IRF2: variants seen among roughly 807,000 people sequenced by gnomAD.
The protein encoded by IRF2 is interferon regulatory factor 2.
In IRF2, 15 loss-of-function variants were observed where a neutral mutation model predicts 40.6. The observed-to-expected ratio is 0.37, with a 90% CI of 0.25 to 0.57. The LOEUF (loss-of-function observed/expected upper bound fraction) is 0.57. Ranked by LOEUF, IRF2 falls within the 20% of genes least tolerant of loss-of-function variation. The pLI is 0.77. For synonymous variants in IRF2, 151 were observed against 165.5 expected, an observed-to-expected ratio of 0.91 and a Z score of 0.67; for missense variants, 317 against 455.7, an observed-to-expected ratio of 0.70 and a Z score of 2.77.
chr4:184,433,664 G>T (rs1013247682), intron 1 of IRF2, among the ~76,000 whole-genome samples: 8 of 152,136 alleles, frequency 5.3e-5, no homozygotes, highest in African/African-American at 1.7e-4. Flanking sequence ...TGGGTTGGTT[G>T]GTTGGTTGGT....
intron 1 of IRF2, among the ~76,000 whole-genome samples, chr4:184,459,554 A>G (rs946723484): frequency 6.6e-6 from 1 of 152,230 alleles, no homozygotes; most frequent in African/African-American, 2.4e-5. Context: ...ATTCTAAAAC[A>G]GAACTTTTTG....
intron 1 of IRF2, among the ~76,000 whole-genome samples, chr4:184,441,331 T>C (rs1388725277): frequency 6.6e-6 from 1 of 152,236 alleles, no homozygotes; most frequent in Non-Finnish European, 1.5e-5. Context: ...GAAATGTGGC[T>C]ACCATGAATG....
At chr4:184,415,124 G>A (rs1395285040) in intron 5 of IRF2, among the ~76,000 whole-genome samples, 1 of 152,166 alleles carries the variant, frequency 6.6e-6, no homozygotes, top group South Asian at 2.1e-4. Context: ...CACAGAACTC[G>A]GGAAGCCCAC....
intron 1 of IRF2, among the ~76,000 whole-genome samples, chr4:184,434,624 CTG>C (rs1269251009): frequency 6.6e-6 from 1 of 152,220 alleles, no homozygotes; most frequent in Non-Finnish European, 1.5e-5. Context: ...GGCTTCAAAA[CTG>C]TGGCATCTGG....
chr4:184,459,901 T>C (rs793803), intron 1 of IRF2, among the ~76,000 whole-genome samples: 24,957 of 152,200 alleles, frequency 0.16, 2,412 homozygotes, highest in Middle Eastern at 0.28. Flanking sequence ...CCGGTGTGCA[T>C]TGCTGATGGG....
At chr4:184,464,246 A>G (rs1739245697) in intron 1 of IRF2, among the ~76,000 whole-genome samples, 1 of 151,724 alleles carries the variant, frequency 6.6e-6, no homozygotes, top group Admixed American at 6.6e-5. Context: ...GGGGACTGTT[A>G]AGAAATGAAG....
chr4:184,418,840 C>T, intron 3 of IRF2, 132 bp from the exon 4 acceptor site: 1 of 720,740 alleles, frequency 1.4e-6, no homozygotes, highest in Non-Finnish European at 2.3e-6. Flanking sequence ...CCTCCAGTGA[C>T]CAATCGTCCT....
Position 184,388,860 on chromosome 4 carries a change from G to A in IRF2, c.948C>T (p.Ser316=), listed in dbSNP as rs1346606099. The A allele has an allele frequency of 3.1e-6, 5 of 1,614,002 alleles. No individual in the cohort carries two copies. The highest frequency in any genetic ancestry group is 4.2e-6 in the Non-Finnish European group (5 of 1,180,042). The part of the protein sequence containing the change: ...PPFQDLPLSS[S]MTPASSSSRP... ...GACTGCTGCTGGATGCTGGGGTCATGGAGGAAGAAAGGGGGAGGTCTTGAA... is the reference window on the plus strand; with the variant it reads ...GACTGCTGCTGGATGCTGGGGTCATAGAGGAAGAAAGGGGGAGGTCTTGAA... The change falls in exon 9 of 9, where the codon TCC becomes TCT. Residue 316 remains serine (S), a synonymous_variant. Transcript: ENST00000393593. The surrounding 1 kb of genome is among the most constrained non-coding windows in gnomAD (Gnocchi z 4.6).
chr4:184,470,702 AAAG>A (rs747004289), intron 1 of IRF2, among the ~76,000 whole-genome samples: 5,853 of 132,588 alleles, frequency 0.044, 273 homozygotes, highest in African/African-American at 0.066. Context: ...AAAAAAAAAA[AAAG>A]AAAAGAAAAA....
intron 1 of IRF2, among the ~76,000 whole-genome samples, chr4:184,436,748 A>G (rs1738094175): frequency 6.6e-6 from 1 of 152,200 alleles, no homozygotes; most frequent in Admixed American, 6.5e-5. Context: ...ATGTGAGCAG[A>G]GCAACTGTCT....
At chr4:184,429,216 GCTGTGCCAC>G (rs1293654077) in intron 1 of IRF2, 146 bp from the exon 2 acceptor site, 3 of 663,698 alleles carry the variant, frequency 4.5e-6, no homozygotes, top group Non-Finnish European at 5.3e-6. Context: ...GTACTCAGGG[GCTGTGCCAC>G]CTGTGCAAGC....
intron 6 of IRF2, chr4:184,407,314 T>C: frequency 8.5e-7 from 1 of 1,175,764 alleles, no homozygotes; most frequent in Middle Eastern, 2.3e-4. Flanking sequence ...AAAGGAGTTT[T>C]TTCTTCTCCT....
intron 1 of IRF2, among the ~76,000 whole-genome samples, chr4:184,465,126 T>C (rs1395596162): frequency 6.6e-6 from 1 of 152,212 alleles, no homozygotes; most frequent in African/African-American, 2.4e-5. Context: ...AAATCATATC[T>C]CAAGCCCTTC....
At chr4:184,454,420 T>C (rs1738836228) in intron 1 of IRF2, among the ~76,000 whole-genome samples, 1 of 152,226 alleles carries the variant, frequency 6.6e-6, no homozygotes, top group Non-Finnish European at 1.5e-5. Context: ...CCATCCCAAT[T>C]ACCAATGAAT....
At chr4:184,418,049 C>A in intron 5 of IRF2, 118 bp downstream of exon 5, 1 of 794,538 alleles carries the variant, frequency 1.3e-6, no homozygotes, top group South Asian at 1.5e-5. Context: ...GCACAGAAGA[C>A]ACAAGCAAAG....
chr4:184,431,250 T>C (rs146913253), intron 1 of IRF2, among the ~76,000 whole-genome samples: 8 of 152,334 alleles, frequency 5.3e-5, no homozygotes, highest in Non-Finnish European at 8.8e-5. Flanking sequence ...CTTGGTCTCA[T>C]TCATTCATTT....
chr4:184,397,374 CAG>C (rs1417979796), intron 7 of IRF2, among the ~76,000 whole-genome samples: 1 of 152,088 alleles, frequency 6.6e-6, no homozygotes, highest in East Asian at 1.9e-4. Flanking sequence ...TTAATGCAGA[CAG>C]AGTTTCAGTT....
chr4:184,466,376 A>G (rs1739322270), intron 1 of IRF2, among the ~76,000 whole-genome samples: 2 of 152,200 alleles, frequency 1.3e-5, no homozygotes, highest in South Asian at 4.1e-4. Context: ...TTAGGAAAAC[A>G]CATTATCAGC....
chr4:184,399,266 C>T (rs1394529819), intron 6 of IRF2, among the ~76,000 whole-genome samples, 187 bp from the exon 7 acceptor site: 2 of 152,304 alleles, frequency 1.3e-5, no homozygotes, highest in African/African-American at 2.4e-5. Flanking sequence ...AGGGAGCAGC[C>T]GGCCAGCACT....
Sources: allele counts gnomAD v4.1 joint callset (sites outside exome capture counted in the v4.1 genomes callset), GRCh38; gene constraint gnomAD v4.1.1; non-coding constraint Gnocchi (gnomAD v3.1); transcripts MANE v1.5; gene names NCBI Gene and HGNC (gene_info 2026-07-23, HGNC 2026-07-21).